Variants in BMPR1B observed in about 807,000 individuals in gnomAD.
BMPR1B encodes bone morphogenetic protein receptor type 1B, also known as bone morphogenetic protein receptor type-1B.
BMPR1B carries 12 observed loss-of-function variants against 59.1 expected under a neutral mutation model. The observed-to-expected ratio is 0.20, with a 90% CI of 0.13 to 0.33. BMPR1B has a LOEUF of 0.33. Ranked by LOEUF, BMPR1B falls within the 10% of genes least tolerant of loss-of-function variation. The probability of loss-of-function intolerance (pLI) is 1.00; values close to 1 mark genes in which losing one functional copy is unlikely to be tolerated. For missense variants in BMPR1B, 550 were observed against 610.9 expected, an observed-to-expected ratio of 0.90 and a Z score of 1.05; for synonymous variants, 237 against 207.3, an observed-to-expected ratio of 1.14 and a Z score of -1.23.
chr4:94,874,151 G>A (rs1382120977), intron 1 of BMPR1B, among the ~76,000 whole-genome samples: 3 of 152,098 alleles, frequency 2.0e-5, no homozygotes, highest in Non-Finnish European at 2.9e-5. Flanking sequence ...ATATATATGT[G>A]TATGTGTGTG....
At chr4:94,859,407 C>T (rs1042974275) in intron 1 of BMPR1B, among the ~76,000 whole-genome samples, 25 of 152,080 alleles carry the variant, frequency 1.6e-4, no homozygotes, top group Non-Finnish European at 3.5e-4. Context: ...ATACCCTTCC[C>T]ACGAGGGAGG....
intron 3 of BMPR1B, among the ~76,000 whole-genome samples, chr4:95,094,932 T>A (rs1432836192): frequency 1.3e-5 from 2 of 152,152 alleles, no homozygotes; most frequent in African/African-American, 4.8e-5. Context: ...TCCCTACATA[T>A]GATTTTGCTC....
intron 2 of BMPR1B, among the ~76,000 whole-genome samples, chr4:94,912,065 A>G (rs1728293932): frequency 6.6e-6 from 1 of 152,134 alleles, no homozygotes; most frequent in Non-Finnish European, 1.5e-5. Context: ...TCTTACATGG[A>G]TGGCAGCAGA....
chr4:95,028,851 A>T (rs1447872348), intron 3 of BMPR1B, among the ~76,000 whole-genome samples: 3 of 151,996 alleles, frequency 2.0e-5, no homozygotes, highest in African/African-American at 7.2e-5. Context: ...AAAAATATTA[A>T]TATAAAGTTT....
At position 94,823,525 on chromosome 4, in the gene BMPR1B, A is replaced by G. The variant is rs572280302; in HGVS notation, c.-182-52306A>G. 3.9e-5 allele frequency among the ~76,000 whole-genome samples: 6 copies of G among 152,302 alleles called. No individual in the cohort carries two copies. In the East Asian group the frequency reaches 1.2e-3, roughly 29 times the overall value. On this transcript the variant is annotated intron_variant, in intron 1 of 12. Transcript: ENST00000515059. ...AAAGTGATTCTGAGAGACAACTAGC[A>G]GAGGAGAAGGAATTAATGGTCACAG...
chr4:94,758,275 GGGCGGTGGCGGCGGCGGGGAGGGGGTCA>G (rs1416353405), intron 1 of BMPR1B, among the ~76,000 whole-genome samples: 2 of 147,350 alleles, frequency 1.4e-5, no homozygotes, highest in African/African-American at 2.5e-5. Flanking sequence ...CGCGGCCGTG[GGGCGGTGGCGGCGGCGGGGAGGGGGTCA>G]GGCGGTGGCC....
At position 94,869,083 on chromosome 4, in the gene BMPR1B, A is replaced by G. The variant is rs1332119250; in HGVS notation, c.-182-6748A>G. On this transcript the variant is annotated intron_variant, in intron 1 of 12. Coordinates refer to ENST00000515059, the MANE Select transcript of BMPR1B (RefSeq NM_001203.3). ...AAACTCCATGATTTGTTTGAATTAA[A>G]TTTTACTATCAAACACACACACACA... is the stretch of plus-strand genomic sequence containing the variant. Among the ~76,000 whole-genome samples the G allele has an allele frequency of 2.8e-5, 4 of 142,082 alleles. No individual in the cohort carries two copies. In the East Asian group the frequency reaches 9.1e-4, roughly 32 times the overall value. 93.2% of individuals were successfully genotyped at this position (142,082 alleles called of 152,430 possible).
intron 1 of BMPR1B, among the ~76,000 whole-genome samples, chr4:94,805,679 G>A (rs1723580554): frequency 6.6e-6 from 1 of 152,148 alleles, no homozygotes; most frequent in Non-Finnish European, 1.5e-5. Flanking sequence ...TTTCTGATGG[G>A]GATAGGGGAA....
intron 1 of BMPR1B, among the ~76,000 whole-genome samples, chr4:94,831,895 C>T (rs1450446317): frequency 6.6e-6 from 1 of 152,128 alleles, no homozygotes; most frequent in Non-Finnish European, 1.5e-5. Context: ...TATGAGGGAT[C>T]TGGGTTGTGA....
intron 1 of BMPR1B, among the ~76,000 whole-genome samples, chr4:94,873,564 G>A (rs1726589364): frequency 6.6e-6 from 1 of 151,986 alleles, no homozygotes; most frequent in African/African-American, 2.4e-5. Context: ...GCGCCACCAT[G>A]CCCAGCTAAT....
At chr4:95,011,222 G>A (rs1425283885) in intron 3 of BMPR1B, among the ~76,000 whole-genome samples, 1 of 151,816 alleles carries the variant, frequency 6.6e-6, no homozygotes, top group African/African-American at 2.4e-5. Flanking sequence ...TATTTTTTCT[G>A]CTCCTCTCCC....
chr4:94,989,208 G>A lies in BMPR1B; in HGVS notation c.-112-6832G>A, dbSNP rs577756937. On this transcript the variant is annotated intron_variant, in intron 2 of 12. Coordinates refer to ENST00000515059, the MANE Select transcript of BMPR1B (RefSeq NM_001203.3). ...GATCGAGACCATCCTGGCCAACATT[G>A]TGAAACCCCGTCTCTACTAAAAATA... Among the ~76,000 whole-genome samples, 3 of 152,046 alleles carry A rather than the reference G, an allele frequency of 2.0e-5. No individual in the cohort carries two copies. The East Asian group carries it at 5.8e-4, about 29-fold the overall frequency.
chr4:95,017,235 G>A (rs1347345), intron 3 of BMPR1B, among the ~76,000 whole-genome samples: 103,188 of 152,066 alleles, frequency 0.68, 35,484 homozygotes, highest in Middle Eastern at 0.8. Context: ...GTTCTTTTCA[G>A]TTTCTCAAAC....
chr4:94,871,160 CAT>C (rs1726473769), intron 1 of BMPR1B, among the ~76,000 whole-genome samples: 1 of 152,136 alleles, frequency 6.6e-6, no homozygotes, highest in South Asian at 2.1e-4. Flanking sequence ...AGCCAGTAAA[CAT>C]AAAGCTAGAA....
chr4:95,095,409 T>G (rs1035625718), intron 3 of BMPR1B, among the ~76,000 whole-genome samples: 9 of 152,222 alleles, frequency 5.9e-5, no homozygotes, highest in African/African-American at 1.9e-4. Flanking sequence ...TACAAATAGC[T>G]GTAGGATGGG....
At chr4:94,970,796 A>G (rs1730763825) in intron 2 of BMPR1B, among the ~76,000 whole-genome samples, 2 of 152,158 alleles carry the variant, frequency 1.3e-5, no homozygotes, top group African/African-American at 2.4e-5. Context: ...GAACATTCCA[A>G]ATCTTCTCTT....
At chr4:95,044,583 C>G (rs1725897799) in intron 3 of BMPR1B, among the ~76,000 whole-genome samples, 2 of 152,210 alleles carry the variant, frequency 1.3e-5, no homozygotes, top group African/African-American at 2.4e-5. Flanking sequence ...CTTTTTACCC[C>G]TTCCCACTCA....
At chr4:94,767,126 A>T (rs1411039793) in intron 1 of BMPR1B, among the ~76,000 whole-genome samples, 1 of 152,172 alleles carries the variant, frequency 6.6e-6, no homozygotes, top group African/African-American at 2.4e-5. Context: ...TTTTGGAGGC[A>T]TTACTTACTC....
At chr4:94,925,232 T>C (rs1429094869) in intron 2 of BMPR1B, among the ~76,000 whole-genome samples, 1 of 152,094 alleles carries the variant, frequency 6.6e-6, no homozygotes, top group African/African-American at 2.4e-5. Context: ...TCTTACACTT[T>C]TAGTCAGTTT....
Sources: allele counts gnomAD v4.1 joint callset (sites outside exome capture counted in the v4.1 genomes callset), GRCh38; gene constraint gnomAD v4.1.1; transcripts MANE v1.5; gene names NCBI Gene and HGNC (gene_info 2026-07-23, HGNC 2026-07-21).